Variants in BRINP3 observed in about 807,000 individuals in gnomAD.
BRINP3 encodes BMP/retinoic acid inducible neural specific 3, also known as BMP/retinoic acid-inducible neural-specific protein 3.
A neutral mutation model predicts 71.0 loss-of-function variants in BRINP3; 19 were observed. That is an observed-to-expected ratio of 0.27 (90% CI 0.19 to 0.39). The LOEUF (loss-of-function observed/expected upper bound fraction) is 0.39, where lower values mean the gene tolerates loss of function less well. Ranked by LOEUF, BRINP3 falls within the 10% of genes least tolerant of loss-of-function variation. The pLI is 1.00. For synonymous variants in BRINP3, 380 were observed against 337.7 expected, an observed-to-expected ratio of 1.13 and a Z score of -1.37; for missense variants, 959 against 940.8, an observed-to-expected ratio of 1.02 and a Z score of -0.25.
At chr1:190,191,675 G>A (rs1349692589) in intron 6 of BRINP3, among the ~76,000 whole-genome samples, 2 of 151,880 alleles carry the variant, frequency 1.3e-5, no homozygotes, top group African/African-American at 2.4e-5. Flanking sequence ...ATTTGGGTTG[G>A]TTCCATGTCC....
chr1:190,315,607 G>T (rs1022084120), intron 2 of BRINP3, among the ~76,000 whole-genome samples: 2 of 152,016 alleles, frequency 1.3e-5, no homozygotes, highest in Non-Finnish European at 2.9e-5. Flanking sequence ...AGTTATTGTG[G>T]CTATCATCTG....
At chr1:190,286,927 C>A (rs1403675994) in intron 2 of BRINP3, among the ~76,000 whole-genome samples, 1 of 151,846 alleles carries the variant, frequency 6.6e-6, no homozygotes, top group Non-Finnish European at 1.5e-5. Flanking sequence ...ACTTTAAAAG[C>A]ATTTTTACTG....
chr1:190,442,991 C>A (rs1674935919), intron 2 of BRINP3, among the ~76,000 whole-genome samples: 1 of 148,154 alleles, frequency 6.7e-6, no homozygotes, highest in Admixed American at 6.8e-5. Context: ...CGGCTCGCTG[C>A]AAACTCTGCC....
intron 2 of BRINP3, among the ~76,000 whole-genome samples, chr1:190,437,334 T>A (rs1371479718): frequency 1.3e-5 from 2 of 151,768 alleles, no homozygotes; most frequent in African/African-American, 4.8e-5. Context: ...ACCTACTGTC[T>A]ACATTAACAT....
intron 2 of BRINP3, among the ~76,000 whole-genome samples, chr1:190,344,478 C>T (rs1479612248): frequency 6.6e-6 from 1 of 151,808 alleles, no homozygotes; most frequent in South Asian, 2.1e-4. Flanking sequence ...ACATAAGTAG[C>T]AAAGATTTGA....
chr1:190,412,913 G>A, intron 2 of BRINP3, among the ~76,000 whole-genome samples: 1 of 151,928 alleles, frequency 6.6e-6, no homozygotes, highest in East Asian at 1.9e-4. Context: ...AGAAGAAAGG[G>A]AGAGAGAGAA....
intron 6 of BRINP3, among the ~76,000 whole-genome samples, chr1:190,206,802 T>G (rs1655540082): frequency 6.6e-6 from 1 of 152,082 alleles, no homozygotes; most frequent in African/African-American, 2.4e-5. Context: ...ATTTCTAAGA[T>G]ATTTATTTAC....
chr1:190,178,323 C>T (rs1034836595), intron 6 of BRINP3, among the ~76,000 whole-genome samples: 9 of 152,096 alleles, frequency 5.9e-5, no homozygotes, highest in Non-Finnish European at 7.4e-5. Flanking sequence ...TAACTCATCT[C>T]CCTTTCAATA....
At chr1:190,372,037 C>T (rs1334787580) in intron 2 of BRINP3, among the ~76,000 whole-genome samples, 2 of 152,114 alleles carry the variant, frequency 1.3e-5, no homozygotes, top group South Asian at 2.1e-4. Flanking sequence ...ACAGTGAATA[C>T]GAGCATTTTA....
intron 2 of BRINP3, among the ~76,000 whole-genome samples, chr1:190,334,575 T>C (rs957922904): frequency 2.6e-5 from 4 of 151,800 alleles, no homozygotes; most frequent in African/African-American, 9.7e-5. Context: ...ATATATCTTA[T>C]AAAAAGAAAA....
chr1:190,332,292 C>A (rs958719401), intron 2 of BRINP3, among the ~76,000 whole-genome samples: 12 of 152,014 alleles, frequency 7.9e-5, no homozygotes, highest in Non-Finnish European at 1.3e-4. Flanking sequence ...TGCCAAAGGG[C>A]AAATTGCCCC....
chr1:190,286,070 T>A (rs1323740059), intron 2 of BRINP3, among the ~76,000 whole-genome samples: 2 of 152,128 alleles, frequency 1.3e-5, no homozygotes, highest in African/African-American at 4.8e-5. Context: ...GACACCACTG[T>A]GATATAGAAC....
intron 2 of BRINP3, among the ~76,000 whole-genome samples, chr1:190,367,208 T>A (rs1437771924): frequency 6.6e-6 from 1 of 152,198 alleles, no homozygotes; most frequent in Non-Finnish European, 1.5e-5. Flanking sequence ...CCACACATTC[T>A]CTGAAATCTA....
intron 2 of BRINP3, among the ~76,000 whole-genome samples, chr1:190,301,202 TAC>T (rs1298282078): frequency 4.3e-3 from 113 of 26,072 alleles, no homozygotes; most frequent in Admixed American, 0.015. Flanking sequence ...TATATACACA[TAC>T]ATATATATAT....
chr1:190,369,674 G>A (rs1558225294), intron 2 of BRINP3, among the ~76,000 whole-genome samples: 1 of 151,486 alleles, frequency 6.6e-6, no homozygotes, highest in Non-Finnish European at 1.5e-5. Flanking sequence ...ATGTTCTTGT[G>A]TTTTTTTAAT....
At chr1:190,257,045 T>C (rs1016267578) in intron 4 of BRINP3, among the ~76,000 whole-genome samples, 5 of 152,208 alleles carry the variant, frequency 3.3e-5, no homozygotes, top group Non-Finnish European at 7.3e-5. Flanking sequence ...ACTTGCTAGG[T>C]TGGGGAAGTT....
chr1:190,252,925 T>C, intron 4 of BRINP3, among the ~76,000 whole-genome samples: 1 of 151,916 alleles, frequency 6.6e-6, no homozygotes, highest in East Asian at 1.9e-4. Flanking sequence ...ATGCTATCCC[T>C]CCCCCTGTCC....
At chr1:190,177,575 T>G (rs1317760365) in intron 6 of BRINP3, among the ~76,000 whole-genome samples, 1 of 151,992 alleles carries the variant, frequency 6.6e-6, no homozygotes, top group Non-Finnish European at 1.5e-5. Flanking sequence ...ACAAATAAGG[T>G]AAAATAGTTT....
chr1:190,302,955 T>C (rs893506593), intron 2 of BRINP3, among the ~76,000 whole-genome samples: 1 of 151,816 alleles, frequency 6.6e-6, no homozygotes, highest in Admixed American at 6.6e-5. Flanking sequence ...TATAGTTGTG[T>C]TTCACTTCGG....
Sources: allele counts gnomAD v4.1 joint callset (sites outside exome capture counted in the v4.1 genomes callset), GRCh38; gene constraint gnomAD v4.1.1; transcripts MANE v1.5; gene names NCBI Gene and HGNC (gene_info 2026-07-23, HGNC 2026-07-21).